The following TMEM117 variants were observed in gnomAD, a reference collection of about 807,000 sequenced individuals.
TMEM117 encodes transmembrane protein 117.
Under a neutral mutation model 52.4 loss-of-function variants are expected in TMEM117, and 27 were observed. That is an observed-to-expected ratio of 0.51 (90% CI 0.38 to 0.71). The LOEUF (loss-of-function observed/expected upper bound fraction) is 0.71, where lower values mean the gene tolerates loss of function less well. Ranked by LOEUF, TMEM117 falls within the 30% of genes least tolerant of loss-of-function variation. The pLI, the probability that TMEM117 is intolerant of heterozygous loss-of-function variation, is 0.00. For synonymous variants in TMEM117, 215 were observed against 206.3 expected, an observed-to-expected ratio of 1.04 and a Z score of -0.36; for missense variants, 556 against 630.5, an observed-to-expected ratio of 0.88 and a Z score of 1.26.
chr12:44,139,247 G>A (rs763004772), intron 3 of TMEM117, among the ~76,000 whole-genome samples: 41 of 152,186 alleles, frequency 2.7e-4, no homozygotes, highest in African/African-American at 9.2e-4. Context: ...TAAATCACCT[G>A]GCATTGACTG....
intron 3 of TMEM117, among the ~76,000 whole-genome samples, chr12:44,090,249 T>C (rs1442647978): frequency 6.6e-6 from 1 of 152,056 alleles, no homozygotes; most frequent in African/African-American, 2.4e-5. Flanking sequence ...GATGCTGAGG[T>C]TTGGGCTTCT....
chr12:43,849,307 A>G (rs1315262200), intron 2 of TMEM117, among the ~76,000 whole-genome samples: 1 of 152,222 alleles, frequency 6.6e-6, no homozygotes, highest in East Asian at 1.9e-4. Context: ...AAATTTTCTC[A>G]GCATAGGAAG....
In TMEM117 at chr12:43,844,856, G is replaced by T. The variant is rs1326404635; in HGVS notation, c.205G>T (p.Val69Leu). The T allele has an allele frequency of 9.3e-6, 15 of 1,614,046 alleles. No homozygotes were observed. In the East Asian group the frequency reaches 3.3e-4, roughly 36 times the overall value. ...PRGVGWRILK[V>L]LLWLLAILTG... ...AGGAGTTGGCTGGAGGATTTTGAAGGTGCTTCTATGGCTACTTGCCATTCT... is the reference window on the plus strand; with the variant it reads ...AGGAGTTGGCTGGAGGATTTTGAAGTTGCTTCTATGGCTACTTGCCATTCT... The change falls in exon 2 of 8, where the codon GTG becomes TTG. Residue 69 changes from valine to leucine, a missense_variant. By Grantham distance (32) the Val-to-Leu change is conservative. Transcript: ENST00000266534.
Position 43,927,533 on chromosome 12 carries a change from C to T in TMEM117, c.278-16677C>T, listed in dbSNP as rs191373890. Among the ~76,000 whole-genome samples, 4 of 151,490 alleles carry T rather than the reference C, an allele frequency of 2.6e-5. No homozygotes were observed. In the East Asian group the frequency reaches 5.8e-4, roughly 22 times the overall value. The stretch of plus-strand genomic sequence containing the variant: ...TGATTATAGATTTTTAAATTCCTTC[C>T]TGTAGTTTATCTGATTTTGTTTTAC... On this transcript the variant is annotated intron_variant, in intron 2 of 7. Transcript: ENST00000266534.
intron 4 of TMEM117, among the ~76,000 whole-genome samples, chr12:44,188,791 AC>A (rs1272912512): frequency 3.3e-5 from 5 of 152,026 alleles, no homozygotes; most frequent in Non-Finnish European, 5.9e-5. Context: ...TTGCCTTGTA[AC>A]ATATTATGGA....
At chr12:44,081,920 T>C (rs1193856939) in intron 3 of TMEM117, among the ~76,000 whole-genome samples, 1 of 152,008 alleles carries the variant, frequency 6.6e-6, no homozygotes, top group Non-Finnish European at 1.5e-5. Flanking sequence ...AGAGTTTAAC[T>C]GTATAAATCT....
At chr12:44,274,582 C>T (rs1950489256) in intron 5 of TMEM117, among the ~76,000 whole-genome samples, 2 of 152,064 alleles carry the variant, frequency 1.3e-5, no homozygotes, top group Admixed American at 6.6e-5. Context: ...ACCAAAACAG[C>T]ATACTACTGG....
intron 5 of TMEM117, among the ~76,000 whole-genome samples, chr12:44,216,908 G>C (rs1380480368): frequency 1.3e-5 from 2 of 152,110 alleles, no homozygotes; most frequent in Non-Finnish European, 2.9e-5. Flanking sequence ...CCAGTGTAAT[G>C]GTGTGGATGG....
chr12:43,906,444 G>C (rs2407783), intron 2 of TMEM117, among the ~76,000 whole-genome samples: 107,663 of 150,442 alleles, frequency 0.72, 41,653 homozygotes, highest in East Asian at 0.87. Context: ...GCCTGGGTGA[G>C]GGAGTGAGAC....
At chr12:44,138,073 A>G (rs2138187563) in intron 3 of TMEM117, among the ~76,000 whole-genome samples, 1 of 152,282 alleles carries the variant, frequency 6.6e-6, no homozygotes, top group South Asian at 2.1e-4. Flanking sequence ...ATGGATGATT[A>G]TCAAAGTTGA....
chr12:43,955,533 G>A (rs189582185), intron 3 of TMEM117, among the ~76,000 whole-genome samples: 2 of 152,020 alleles, frequency 1.3e-5, no homozygotes, highest in Non-Finnish European at 2.9e-5. Flanking sequence ...GAATGAACTC[G>A]CATTCACAAT....
chr12:43,864,956 C>G (rs192696789), intron 2 of TMEM117, among the ~76,000 whole-genome samples: 1 of 152,090 alleles, frequency 6.6e-6, no homozygotes, highest in African/African-American at 2.4e-5. Context: ...CCGGGAGGAA[C>G]GAACAATTCC....
At chr12:43,997,197 A>T (rs1240651093) in intron 3 of TMEM117, among the ~76,000 whole-genome samples, 1 of 152,212 alleles carries the variant, frequency 6.6e-6, no homozygotes, top group Non-Finnish European at 1.5e-5. Flanking sequence ...TTGACTCCAA[A>T]ACCTGCATAT....
intron 4 of TMEM117, among the ~76,000 whole-genome samples, chr12:44,182,627 GTC>G (rs1462888266): frequency 1.3e-5 from 2 of 152,136 alleles, no homozygotes; most frequent in Admixed American, 6.6e-5. Flanking sequence ...ATCTTATCAT[GTC>G]TCTCTACATA....
intron 5 of TMEM117, among the ~76,000 whole-genome samples, chr12:44,265,857 G>A (rs1950371636): frequency 6.6e-6 from 1 of 152,048 alleles, no homozygotes; most frequent in African/African-American, 2.4e-5. Flanking sequence ...ACACTATGTG[G>A]TATTTTTAGC....
At chr12:43,924,257 T>C (rs866330420) in intron 2 of TMEM117, among the ~76,000 whole-genome samples, 65 of 152,336 alleles carry the variant, frequency 4.3e-4, no homozygotes, top group African/African-American at 1.5e-3. Context: ...GAATATTGCC[T>C]GAATTCTTAA....
chr12:44,010,186 C>A (rs902221424), intron 3 of TMEM117: 1 of 510,596 alleles, frequency 2.0e-6, no homozygotes, highest in African/African-American at 1.9e-5. Context: ...ACACTGACAC[C>A]CACCTGGGGC....
chr12:44,382,359 T>C (rs541219569), intron 7 of TMEM117, among the ~76,000 whole-genome samples: 1 of 152,340 alleles, frequency 6.6e-6, no homozygotes, highest in East Asian at 1.9e-4. Flanking sequence ...TCACAGTTTT[T>C]CAGATTATGT....
intron 5 of TMEM117, among the ~76,000 whole-genome samples, chr12:44,224,616 T>A (rs969688799): frequency 6.6e-6 from 1 of 152,080 alleles, no homozygotes; most frequent in Non-Finnish European, 1.5e-5. Flanking sequence ...TTGGAAAGCA[T>A]GTGAAGCAGG....
Sources: gnomAD v4.1 joint callset for allele counts (sites outside exome capture counted in the v4.1 genomes callset) on GRCh38, gnomAD v4.1.1 for gene constraint, MANE v1.5 for transcripts, NCBI Gene and HGNC (gene_info 2026-07-23, HGNC 2026-07-21) for gene names.